KAT6B: variants seen among roughly 807,000 people sequenced by gnomAD.
KAT6B encodes histone acetyltransferase KAT6B.
In KAT6B, 10 loss-of-function variants were observed where a neutral mutation model predicts 187.5. The ratio of observed to expected loss-of-function variants is 0.05; its 90% CI spans 0.03 to 0.09. The LOEUF is 0.09. Ranked by LOEUF, KAT6B falls within the 10% of genes least tolerant of loss-of-function variation. The probability of loss-of-function intolerance (pLI) is 1.00; values close to 1 mark genes in which losing one functional copy is unlikely to be tolerated. For missense variants in KAT6B, 1,952 were observed against 2,558.9 expected (o/e 0.76, Z 5.12); for synonymous variants, 861 against 926.8 (o/e 0.93, Z 1.29).
intron 3 of KAT6B, among the ~76,000 whole-genome samples, chr10:74,931,782 C>G (rs1347032664): frequency 6.6e-6 from 1 of 152,240 alleles, no homozygotes; most frequent in Non-Finnish European, 1.5e-5. Flanking sequence ...TCAAGCTTGG[C>G]TCACTGCAAC....
At chr10:74,971,960 T>C (rs955409136) in intron 6 of KAT6B, among the ~76,000 whole-genome samples, 1 of 152,166 alleles carries the variant, frequency 6.6e-6, no homozygotes, top group Admixed American at 6.5e-5. Context: ...AGGCTTTGGT[T>C]GTTCTGGTCT....
chr10:74,947,037 T>G (rs1839999202), intron 3 of KAT6B, among the ~76,000 whole-genome samples: 1 of 152,170 alleles, frequency 6.6e-6, no homozygotes, highest in African/African-American at 2.4e-5. Flanking sequence ...TCTTACTGTG[T>G]CGCCCAGGCT....
intron 13 of KAT6B, among the ~76,000 whole-genome samples, chr10:75,018,143 T>C (rs1476276363): frequency 6.6e-6 from 1 of 152,200 alleles, no homozygotes; most frequent in African/African-American, 2.4e-5. Flanking sequence ...GCAGTTGTCT[T>C]CTTTACAGCA....
chr10:74,899,147 C>T (rs925389007), intron 3 of KAT6B, among the ~76,000 whole-genome samples: 5 of 147,122 alleles, frequency 3.4e-5, no homozygotes, highest in African/African-American at 1.0e-4. Context: ...GGTGACAGAG[C>T]AGTACTCCAT....
Position 74,989,155 on chromosome 10 carries a change from A to G in KAT6B, c.2629+43A>G, listed in dbSNP as rs1220640663. The G allele has an allele frequency of 2.9e-6, 4 of 1,361,398 alleles. No homozygotes were observed. In the Admixed American group the frequency reaches 6.7e-5, roughly 23 times the overall value. 84.3% of individuals were successfully genotyped at this position (1,361,398 alleles called of 1,614,324 possible). ...TTTACTTTCATGATCCAGGAAGCTG[A>G]TGGCCGTTACAGGAAACAGTAAAAT... On this transcript the variant is annotated intron_variant, in intron 13 of 17. Coordinates refer to ENST00000287239, the MANE Select transcript of KAT6B (RefSeq NM_012330.4).
At chr10:74,939,505 A>G (rs1317496576) in intron 3 of KAT6B, among the ~76,000 whole-genome samples, 1 of 151,902 alleles carries the variant, frequency 6.6e-6, no homozygotes, top group Non-Finnish European at 1.5e-5. Flanking sequence ...GGTTCCAATG[A>G]TTCTTCTGCC....
chr10:75,028,648 C>A lies in KAT6B; in HGVS notation c.3824C>A (p.Thr1275Asn). Reference protein sequence around the residue: ...RKTGFKLNLYTPPETPMEPDE... With the variant: ...RKTGFKLNLYNPPETPMEPDE... ...ACCGGATTTAAACTGAATTTGTACACCCCGCCAGAAACACCCATGGAGCCT... is the reference window on the plus strand; with the variant it reads ...ACCGGATTTAAACTGAATTTGTACAACCCGCCAGAAACACCCATGGAGCCT... Residue 1275 changes from threonine to asparagine, a missense_variant, in exon 18 of 18, where the codon ACC becomes AAC. Around this residue, in one of 9 missense-constraint regions of KAT6B, gnomAD observed 758 missense variants for 891.4 expected, o/e 0.85. Coordinates refer to ENST00000287239, the MANE Select transcript of KAT6B (RefSeq NM_012330.4). 2 of 1,614,126 alleles carry A rather than the reference C, an allele frequency of 1.2e-6. No individual in the cohort carries two copies. The highest frequency in any genetic ancestry group is 1.7e-6 in the Non-Finnish European group (2 of 1,180,048).
In KAT6B at chr10:74,843,244, A is replaced by G; in HGVS notation, c.387A>G (p.Ile129Met). The G allele has an allele frequency of 6.2e-7, 1 of 1,614,260 alleles. No homozygotes were observed. The highest frequency in any genetic ancestry group is 1.6e-4 in the Middle Eastern group (1 of 6,062). Residue 129 changes from isoleucine (I) to methionine (M), a missense_variant, in exon 3 of 18, where the codon ATA becomes ATG. Physicochemically the swap from Ile to Met is conservative, Grantham distance 10 (BLOSUM62 1). This residue lies in a region of KAT6B where 218 missense variants were observed against 282.6 expected (regional missense o/e 0.77). Transcript: ENST00000287239. ...EEPNGSSLKN[I>M]EKYLRSQSDL... is the part of the protein sequence containing the mutation. ...CGAATGGCTCCTCCCTGAAGAACAT[A>G]GAGAAGTATCTCAGAAGTCAAAGTG...
upstream of KAT6B, among the ~76,000 whole-genome samples, chr10:74,825,245 C>A (rs1470227182): frequency 6.6e-6 from 1 of 152,100 alleles, no homozygotes; most frequent in Admixed American, 6.5e-5. The surrounding 1 kb of genome is among the most constrained non-coding windows in gnomAD (Gnocchi z 5.0). Flanking sequence ...TCAGTCCCAG[C>A]CCTGGCGGGC....
At chr10:74,832,880 T>C (rs777245550) in intron 1 of KAT6B, among the ~76,000 whole-genome samples, 2 of 151,710 alleles carry the variant, frequency 1.3e-5, no homozygotes, top group Non-Finnish European at 2.9e-5. Context: ...ATCCCAGCAC[T>C]TTGGGAGGCT....
At chr10:74,863,611 C>A (rs1383532826) in intron 3 of KAT6B, among the ~76,000 whole-genome samples, 3 of 152,178 alleles carry the variant, frequency 2.0e-5, no homozygotes, top group Non-Finnish European at 4.4e-5. Context: ...CTAATTGATT[C>A]TTAATGCTTA....
At chr10:74,963,533 A>T (rs1404417763) in intron 4 of KAT6B, among the ~76,000 whole-genome samples, 1 of 152,168 alleles carries the variant, frequency 6.6e-6, no homozygotes, top group African/African-American at 2.4e-5. Flanking sequence ...CAATAAAGGG[A>T]GCAAGAGCCG....
At chr10:74,878,936 A>G (rs1844642040) in intron 3 of KAT6B, among the ~76,000 whole-genome samples, 2 of 152,152 alleles carry the variant, frequency 1.3e-5, no homozygotes, top group South Asian at 2.1e-4. Flanking sequence ...CCATCTCTCT[A>G]TTCCCACAGG....
chr10:74,851,599 G>A (rs1842488074), intron 3 of KAT6B, among the ~76,000 whole-genome samples: 1 of 152,132 alleles, frequency 6.6e-6, no homozygotes, highest in African/African-American at 2.4e-5. Flanking sequence ...CCAAAGTGCT[G>A]GGATTACAGG....
At chr10:75,021,851 C>G (rs754392590) in intron 15 of KAT6B, 30 bp from the exon 16 acceptor site, 1 of 1,613,728 alleles carries the variant, frequency 6.2e-7, no homozygotes, top group Non-Finnish European at 8.5e-7. Context: ...TGCCCTCTCA[C>G]TGGCCACCAT....
intron 13 of KAT6B, among the ~76,000 whole-genome samples, chr10:75,000,474 C>A (rs1407930298): frequency 6.6e-6 from 1 of 152,100 alleles, no homozygotes; most frequent in Non-Finnish European, 1.5e-5. Flanking sequence ...GGTTCTAAAT[C>A]TCAGATTAAC....
intron 3 of KAT6B, among the ~76,000 whole-genome samples, chr10:74,912,638 G>T (rs1324387526): frequency 5.9e-5 from 9 of 152,104 alleles, no homozygotes; most frequent in Non-Finnish European, 8.8e-5. Flanking sequence ...AGTTATAACA[G>T]CTGTGAATAC....
Position 75,028,554 on chromosome 10 carries a change from T to C in KAT6B, c.3730T>C (p.Cys1244Arg), listed in dbSNP as rs751941544. The change falls in exon 18 of 18, where the codon TGC (cysteine) becomes CGC (arginine). Residue 1244 changes from cysteine to arginine, a missense_variant. Cys to Arg is a radical substitution (Grantham distance 180). Transcript: ENST00000287239. Reference protein sequence around the residue: ...GSKDNPEPLKCKQVWPKGTKR... With the variant: ...GSKDNPEPLKRKQVWPKGTKR... ...TAAAGACAATCCCGAACCTCTAAAGTGCAAACAAGTGTGGCCAAAAGGAAC... is the reference window on the plus strand; with the variant it reads ...TAAAGACAATCCCGAACCTCTAAAGCGCAAACAAGTGTGGCCAAAAGGAAC... 21 of 1,614,006 alleles carry C rather than the reference T, an allele frequency of 1.3e-5. No homozygotes were observed. The highest frequency in any genetic ancestry group is 1.6e-5 in the Non-Finnish European group (19 of 1,180,032).
intron 3 of KAT6B, among the ~76,000 whole-genome samples, chr10:74,957,372 C>T (rs971946352): frequency 6.6e-6 from 1 of 152,156 alleles, no homozygotes; most frequent in South Asian, 2.1e-4. Context: ...ATCAGCATGG[C>T]GGGGTTCGCT....
Sources: gnomAD v4.1 joint callset for allele counts (sites outside exome capture counted in the v4.1 genomes callset) on GRCh38, gnomAD v4.1.1 for gene constraint, gnomAD v4.1.1 regional missense constraint, Gnocchi (gnomAD v3.1) non-coding constraint, MANE v1.5 for transcripts, NCBI Gene and HGNC (gene_info 2026-07-23, HGNC 2026-07-21) for gene names.